The following DLGAP2 variants were observed in gnomAD, a reference collection of about 807,000 sequenced individuals.
DLGAP2 encodes DLG associated protein 2, also known as disks large-associated protein 2.
A neutral mutation model predicts 100.3 loss-of-function variants in DLGAP2; 26 were observed. The ratio of observed to expected loss-of-function variants is 0.26; its 90% confidence interval spans 0.19 to 0.36. DLGAP2 has a LOEUF of 0.36. Among genes scored for constraint, DLGAP2 ranks in the 10% least tolerant of loss-of-function variants. DLGAP2 has a pLI of 1.00. For missense variants in DLGAP2, 1,858 were observed against 1,453.2 expected (o/e 1.28, Z -4.53); for synonymous variants, 886 against 630.1 (o/e 1.41, Z -6.08).
intron 2 of DLGAP2, among the ~76,000 whole-genome samples, chr8:1,091,746 G>A (rs887096321): frequency 5.3e-5 from 8 of 152,114 alleles, no homozygotes; most frequent in African/African-American, 1.9e-4. Flanking sequence ...CGTGGAAGCT[G>A]CAGCTCTGGC....
intron 1 of DLGAP2, among the ~76,000 whole-genome samples, chr8:801,424 A>G (rs1230539196): frequency 1.3e-5 from 2 of 152,116 alleles, no homozygotes; most frequent in Non-Finnish European, 2.9e-5. Flanking sequence ...CTCTTATGCT[A>G]AAGTCTTCAG....
At chr8:781,793 T>C (rs1287844274) in intron 1 of DLGAP2, among the ~76,000 whole-genome samples, 1 of 152,220 alleles carries the variant, frequency 6.6e-6, no homozygotes, top group Non-Finnish European at 1.5e-5. Flanking sequence ...TTTCCTGACA[T>C]AGGTTTGTTA....
intron 1 of DLGAP2, among the ~76,000 whole-genome samples, chr8:768,198 C>T (rs1285316494): frequency 3.3e-5 from 5 of 152,038 alleles, no homozygotes; most frequent in African/African-American, 7.2e-5. Flanking sequence ...TGAGGGAGGC[C>T]GGGGAGGCAC....
intron 2 of DLGAP2, among the ~76,000 whole-genome samples, chr8:935,867 G>A (rs1799059149): frequency 1.3e-5 from 2 of 152,038 alleles, no homozygotes; most frequent in South Asian, 2.1e-4. Flanking sequence ...CTTTTTATGT[G>A]GTTATTATTA....
At chr8:1,244,999 G>A (rs1798874253) in intron 2 of DLGAP2, among the ~76,000 whole-genome samples, 1 of 152,178 alleles carries the variant, frequency 6.6e-6, no homozygotes, top group Non-Finnish European at 1.5e-5. Flanking sequence ...AAAGACACTG[G>A]ACATCTTTGA....
chr8:1,413,116 C>A (rs538776294), intron 3 of DLGAP2, among the ~76,000 whole-genome samples: 1 of 152,294 alleles, frequency 6.6e-6, no homozygotes, highest in South Asian at 2.1e-4. Context: ...GAACTCACAG[C>A]TTTGTGTTCT....
At chr8:1,434,323 C>G (rs1797554183) in intron 3 of DLGAP2, among the ~76,000 whole-genome samples, 1 of 152,114 alleles carries the variant, frequency 6.6e-6, no homozygotes, top group African/African-American at 2.4e-5. Context: ...ACAGGAGACA[C>G]CAGGTGGAAG....
intron 6 of DLGAP2, among the ~76,000 whole-genome samples, chr8:1,569,611 AT>A (rs1167071730): frequency 3.3e-5 from 5 of 152,208 alleles, no homozygotes; most frequent in African/African-American, 1.2e-4. Flanking sequence ...TAATTCATTT[AT>A]TTCCATTTTA....
Position 1,492,544 on chromosome 8 carries a change from G to C in DLGAP2, c.107-8822G>C, listed in dbSNP as rs769262118. Among the ~76,000 whole-genome samples, 18 of 152,312 alleles carry C rather than the reference G, an allele frequency of 1.2e-4. No individual in the cohort carries two copies. The South Asian group carries it at 2.7e-3, about 23-fold the overall frequency. ...AGCTCCTGTGGGCGACACCCGATGG[G>C]GACCGCGCTTCGCTCCGCAAACATT... On this transcript the variant is annotated intron_variant, in intron 3 of 14. Coordinates refer to ENST00000637795, the MANE Select transcript of DLGAP2 (RefSeq NM_001346810.2).
At chr8:1,111,832 G>T (rs183042888) in intron 2 of DLGAP2, among the ~76,000 whole-genome samples, 1 of 152,108 alleles carries the variant, frequency 6.6e-6, no homozygotes, top group African/African-American at 2.4e-5. Context: ...TTGATTCCAT[G>T]TCTTTGCTTT....
At chr8:1,425,389 A>C (rs935318311) in intron 3 of DLGAP2, among the ~76,000 whole-genome samples, 1 of 152,216 alleles carries the variant, frequency 6.6e-6, no homozygotes, top group Non-Finnish European at 1.5e-5. Context: ...CAGGTACAAC[A>C]TTAGCTTTGC....
intron 3 of DLGAP2, among the ~76,000 whole-genome samples, chr8:1,371,006 G>A (rs2129705564): frequency 6.6e-6 from 1 of 152,338 alleles, no homozygotes; most frequent in Non-Finnish European, 1.5e-5. Flanking sequence ...TAGTTTATGT[G>A]TCAGCCACTT....
intron 2 of DLGAP2, among the ~76,000 whole-genome samples, chr8:1,171,406 G>A (rs1797125306): frequency 6.6e-6 from 1 of 152,096 alleles, no homozygotes; most frequent in African/African-American, 2.4e-5. Flanking sequence ...GGTCCGCTTG[G>A]CGCAGAGCTG....
At chr8:1,147,413 A>G (rs558864684) in intron 2 of DLGAP2, among the ~76,000 whole-genome samples, 2 of 152,090 alleles carry the variant, frequency 1.3e-5, no homozygotes, top group Non-Finnish European at 2.9e-5. Flanking sequence ...TAGACATTTT[A>G]GACTTTCTAC....
chr8:1,279,239 T>A (rs1025633601), intron 3 of DLGAP2, among the ~76,000 whole-genome samples: 2 of 152,214 alleles, frequency 1.3e-5, no homozygotes, highest in African/African-American at 4.8e-5. Flanking sequence ...GTCCTTGGAT[T>A]ATTGTGGTAT....
intron 2 of DLGAP2, among the ~76,000 whole-genome samples, chr8:1,222,959 G>A (rs1585165662): frequency 6.6e-6 from 1 of 152,146 alleles, no homozygotes; most frequent in Non-Finnish European, 1.5e-5. Context: ...AGTGTGGCAA[G>A]CCTTGGGGGA....
At chr8:1,420,141 A>C (rs775324695) in intron 3 of DLGAP2, among the ~76,000 whole-genome samples, 12 of 152,126 alleles carry the variant, frequency 7.9e-5, no homozygotes, top group Non-Finnish European at 1.5e-4. Context: ...TGGAAGTTCC[A>C]ATCCTCTAAT....
chr8:1,368,307 G>A (rs973330309), intron 3 of DLGAP2, among the ~76,000 whole-genome samples: 7 of 151,862 alleles, frequency 4.6e-5, no homozygotes, highest in African/African-American at 1.7e-4. Context: ...GTATGTGCAT[G>A]TGCATAGCTG....
At chr8:1,666,461 T>C (rs1162880504) in intron 8 of DLGAP2, among the ~76,000 whole-genome samples, 1 of 152,024 alleles carries the variant, frequency 6.6e-6, no homozygotes, top group East Asian at 1.9e-4. Context: ...TCATCTGAGG[T>C]CCTGAGGTCA....
Sources: gnomAD v4.1 joint callset for allele counts (sites outside exome capture counted in the v4.1 genomes callset) on GRCh38, gnomAD v4.1.1 for gene constraint, MANE v1.5 for transcripts, NCBI Gene and HGNC (gene_info 2026-07-23, HGNC 2026-07-21) for gene names.